Variants in KIAA0825 observed in about 807,000 individuals in gnomAD.
KIAA0825 encodes uncharacterized protein KIAA0825.
A neutral mutation model predicts 147.6 loss-of-function variants in KIAA0825; 119 were observed. The observed-to-expected ratio is 0.81, with a 90% CI of 0.69 to 0.94. The LOEUF is 0.94. Among genes scored for constraint, KIAA0825 ranks in the 40% least tolerant of loss-of-function variants. The pLI is 0.00. For synonymous variants in KIAA0825, 470 were observed against 518.1 expected (o/e 0.91, Z 1.26); for missense variants, 1,381 against 1,472.7 (o/e 0.94, Z 1.02).
chr5:94,225,108 C>T lies in KIAA0825; in HGVS notation c.3711-70984G>A, dbSNP rs146109553. Among the ~76,000 whole-genome samples the T allele has an allele frequency of 1.2e-4, 18 of 152,222 alleles. No homozygotes were observed. In the East Asian group the frequency reaches 3.3e-3, roughly 28 times the overall value. ...TCTGCATAGCCAAATTTTCTACATACGTTTATTGAGTACCTTCAGTGTGCA... is the reference window on the plus strand; with the variant it reads ...TCTGCATAGCCAAATTTTCTACATATGTTTATTGAGTACCTTCAGTGTGCA... On this transcript the variant is annotated intron_variant, in intron 20 of 20. Coordinates refer to ENST00000682413, the MANE Select transcript of KIAA0825 (RefSeq NM_001145678.3).
chr5:94,183,899 A>C (rs1583778497), intron 20 of KIAA0825, among the ~76,000 whole-genome samples: 1 of 152,222 alleles, frequency 6.6e-6, no homozygotes, highest in South Asian at 2.1e-4. Flanking sequence ...CCTGAGTTTT[A>C]TGAGCCATTA....
chr5:94,183,452 G>A (rs756292083), intron 20 of KIAA0825, among the ~76,000 whole-genome samples: 1 of 152,132 alleles, frequency 6.6e-6, no homozygotes, highest in African/African-American at 2.4e-5. Flanking sequence ...CCAGTGATAA[G>A]AGTGTCATTT....
chr5:94,427,948 C>T (rs1755108045), intron 14 of KIAA0825, among the ~76,000 whole-genome samples: 1 of 152,116 alleles, frequency 6.6e-6, no homozygotes, highest in Non-Finnish European at 1.5e-5. Context: ...AACTCTTTGT[C>T]ATTATGTAAT....
intron 20 of KIAA0825, 30 bp downstream of exon 20, chr5:94,384,338 C>A: frequency 6.6e-7 from 1 of 1,512,084 alleles, no homozygotes; most frequent in Middle Eastern, 1.7e-4. Flanking sequence ...TGTCCCTCAA[C>A]CAGACCCCCA....
At chr5:94,453,165 A>AT (rs1053362423) in intron 12 of KIAA0825, 96 bp from the exon 13 acceptor site, 69 of 690,196 alleles carry the variant, frequency 1.0e-4, no homozygotes, top group Middle Eastern at 7.7e-4. Flanking sequence ...TCAGTTAATG[A>AT]TTTTTTTTGT....
At chr5:94,568,227 T>C (rs1013764632) in intron 2 of KIAA0825, 2 of 159,480 alleles carry the variant, frequency 1.3e-5, no homozygotes, top group African/African-American at 2.4e-5. Context: ...CTCAAAATTA[T>C]ACCCCTCACT....
intron 20 of KIAA0825, among the ~76,000 whole-genome samples, chr5:94,298,684 T>C (rs1332917189): frequency 2.0e-5 from 3 of 152,178 alleles, no homozygotes; most frequent in African/African-American, 7.2e-5. Flanking sequence ...CTGGGCACAT[T>C]AGAAGAAAGT....
chr5:94,314,137 C>T, intron 20 of KIAA0825, among the ~76,000 whole-genome samples: 1 of 151,550 alleles, frequency 6.6e-6, no homozygotes, highest in Non-Finnish European at 1.5e-5. Context: ...ATTAAACACA[C>T]ATACACATAT....
chr5:94,302,130 A>G (rs932671263), intron 20 of KIAA0825, among the ~76,000 whole-genome samples: 1 of 152,092 alleles, frequency 6.6e-6, no homozygotes, highest in Non-Finnish European at 1.5e-5. Context: ...TTGACTCTCA[A>G]TTATACCAAG....
At position 94,151,346 on chromosome 5, in the gene KIAA0825, A is replaced by G. The variant is rs906714477; in HGVS notation, c.*2661T>C. On this transcript the variant is annotated 3_prime_UTR_variant, in exon 21 of 21. Coordinates refer to ENST00000682413, the MANE Select transcript of KIAA0825 (RefSeq NM_001145678.3). ...GCAGGAGAATGGCGTGAACCCGGGA[A>G]GCGGAGCTTGCAGTGAGCCGAGATT... Among the ~76,000 whole-genome samples, 2 of 143,546 alleles carry G rather than the reference A, an allele frequency of 1.4e-5. No individual in the cohort carries two copies. Among genetic ancestry groups the G allele is most frequent in the Non-Finnish European group, 3.0e-5 (2 of 66,054 alleles). 94.2% of individuals were successfully genotyped at this position (143,546 alleles called of 152,430 possible). A position where few individuals can be genotyped will look rare whatever the true frequency, so the allele number is the denominator to read the frequency against.
chr5:94,364,483 G>A (rs983719383), intron 20 of KIAA0825, among the ~76,000 whole-genome samples: 6 of 151,874 alleles, frequency 4.0e-5, no homozygotes, highest in Admixed American at 2.6e-4. Context: ...CCGGGTTCAC[G>A]CCATTCTCCT....
At chr5:94,203,604 TA>T (rs957716781) in intron 20 of KIAA0825, among the ~76,000 whole-genome samples, 3 of 152,160 alleles carry the variant, frequency 2.0e-5, no homozygotes, top group African/African-American at 7.2e-5. Context: ...ACCAGATGTT[TA>T]AATTTACTTT....
At chr5:94,485,323 T>C (rs1469039488) in intron 5 of KIAA0825, among the ~76,000 whole-genome samples, 1 of 151,730 alleles carries the variant, frequency 6.6e-6, no homozygotes, top group East Asian at 1.9e-4. Context: ...GTCTGTACTT[T>C]GTGAGGAAGT....
At chr5:94,518,094 T>A (rs1767547899) in intron 5 of KIAA0825, among the ~76,000 whole-genome samples, 1 of 152,160 alleles carries the variant, frequency 6.6e-6, no homozygotes, top group African/African-American at 2.4e-5. Context: ...CTTTCTATAA[T>A]TTCAGGTAAA....
intron 10 of KIAA0825, among the ~76,000 whole-genome samples, chr5:94,466,336 G>C (rs1760492440): frequency 6.6e-6 from 1 of 152,000 alleles, no homozygotes; most frequent in African/African-American, 2.4e-5. Flanking sequence ...GTATTCCTTG[G>C]GTAAGAAACT....
At chr5:94,294,807 C>T (rs1303498180) in intron 20 of KIAA0825, among the ~76,000 whole-genome samples, 2 of 152,210 alleles carry the variant, frequency 1.3e-5, no homozygotes, top group African/African-American at 4.8e-5. Flanking sequence ...GTCTGATGGG[C>T]TTCCCTTTGT....
At chr5:94,196,683 A>G (rs151028676) in intron 20 of KIAA0825, among the ~76,000 whole-genome samples, 2 of 152,244 alleles carry the variant, frequency 1.3e-5, no homozygotes, top group East Asian at 1.9e-4. Context: ...CATGTATTCA[A>G]TGTTAAGCTC....
intron 2 of KIAA0825, among the ~76,000 whole-genome samples, chr5:94,558,695 T>C (rs1777016483): frequency 6.6e-6 from 1 of 152,124 alleles, no homozygotes; most frequent in African/African-American, 2.4e-5. Flanking sequence ...TTTGGAGTAC[T>C]CTGGCACTTG....
At chr5:94,212,775 C>A (rs1048071159) in intron 20 of KIAA0825, among the ~76,000 whole-genome samples, 1 of 152,146 alleles carries the variant, frequency 6.6e-6, no homozygotes, top group Non-Finnish European at 1.5e-5. Context: ...TCTTTATTAT[C>A]CCAGTAGAGA....
Sources: allele counts gnomAD v4.1 joint callset (sites outside exome capture counted in the v4.1 genomes callset), GRCh38; gene constraint gnomAD v4.1.1; transcripts MANE v1.5; gene names NCBI Gene and HGNC (gene_info 2026-07-23, HGNC 2026-07-21).